The following REV3L variants were observed in gnomAD, a reference collection of about 807,000 sequenced individuals.
REV3L encodes the protein DNA polymerase zeta catalytic subunit.
Under a neutral mutation model 299.4 loss-of-function variants are expected in REV3L, and 69 were observed. The ratio of observed to expected loss-of-function variants is 0.23; its 90% confidence interval spans 0.19 to 0.28. The LOEUF is 0.28. Ranked by LOEUF, REV3L falls within the 10% of genes least tolerant of loss-of-function variation. The pLI is 1.00. For missense variants in REV3L, 3,128 were observed against 3,693.8 expected, an observed-to-expected ratio of 0.85 and a Z score of 3.97; for synonymous variants, 1,238 against 1,271.4, an observed-to-expected ratio of 0.97 and a Z score of 0.56.
At chr6:111,456,108 A>G (rs1790129342) in intron 1 of REV3L, among the ~76,000 whole-genome samples, 1 of 152,218 alleles carries the variant, frequency 6.6e-6, no homozygotes, top group Non-Finnish European at 1.5e-5. Flanking sequence ...AGTATACTCT[A>G]TGATGTTCAC....
chr6:111,478,901 T>C (rs983359652), intron 1 of REV3L, among the ~76,000 whole-genome samples: 2 of 152,194 alleles, frequency 1.3e-5, no homozygotes, highest in Non-Finnish European at 2.9e-5. Flanking sequence ...TGGCCTACTT[T>C]GTTTAATTCC....
At position 111,315,227 on chromosome 6, in the gene REV3L, TG is replaced by T. The variant is rs775555243; in HGVS notation, c.8466+39del. ...AAATCAGAGGTCTCTAGAAGGTATA[TG>T]AATTTTATATGTAATTACTAATATT... On this transcript the variant is annotated intron_variant, in intron 27 of 31. Transcript: ENST00000368802. 2.0e-6 allele frequency: 3 copies of T among 1,467,140 alleles called. No homozygotes were observed. In the Admixed American group the frequency reaches 5.2e-5, roughly 25 times the overall value. The allele number at this position is 1,467,140 out of a possible 1,614,324, so 90.9% of individuals were successfully genotyped here.
intron 13 of REV3L, among the ~76,000 whole-genome samples, chr6:111,369,722 A>T (rs1323338320): frequency 1.3e-5 from 2 of 152,226 alleles, no homozygotes; most frequent in Non-Finnish European, 2.9e-5. Flanking sequence ...TATACTTTTT[A>T]AAAAAGAAAA....
At chr6:111,364,689 T>C (rs937309943) in intron 15 of REV3L, among the ~76,000 whole-genome samples, 1 of 152,060 alleles carries the variant, frequency 6.6e-6, no homozygotes, top group African/African-American at 2.4e-5. Flanking sequence ...ATATAAGTGA[T>C]TTCTAGCATA....
Position 111,430,387 on chromosome 6 carries a change from A to G in REV3L, c.140-13915T>C, listed in dbSNP as rs191024067. On this transcript the variant is annotated intron_variant, in intron 1 of 31. Transcript: ENST00000368802. The stretch of plus-strand genomic sequence containing the variant: ...TAAATGAAAGAAAAGATCAAGAACA[A>G]TGACTACCAGTCCATAGAAAAACTA... 1,811 of 1,312,866 alleles carry G rather than the reference A, an allele frequency of 1.4e-3. 3 individuals carry two copies. The highest frequency in any genetic ancestry group is 1.8e-3 in the Non-Finnish European group (1,607 of 908,606). The allele number at this position is 1,312,866 out of a possible 1,614,324, so 81.3% of individuals were successfully genotyped here.
chr6:111,334,966 T>C (rs1326720408), intron 22 of REV3L, among the ~76,000 whole-genome samples: 2 of 152,286 alleles, frequency 1.3e-5, no homozygotes, highest in East Asian at 3.9e-4. Context: ...TATAAAATCA[T>C]TTTCAGCAAG....
intron 1 of REV3L, among the ~76,000 whole-genome samples, chr6:111,465,814 A>G (rs1791433233): frequency 6.6e-6 from 1 of 151,944 alleles, no homozygotes; most frequent in South Asian, 2.1e-4. Context: ...TGACATAAAA[A>G]GATTAAAAAT....
chr6:111,380,409 G>A (rs997190696), intron 10 of REV3L, among the ~76,000 whole-genome samples, 190 bp from the exon 11 acceptor site: 6 of 152,002 alleles, frequency 3.9e-5, no homozygotes, highest in Admixed American at 6.5e-5. Flanking sequence ...ACAGGTGCCC[G>A]TCACCACACC....
intron 1 of REV3L, among the ~76,000 whole-genome samples, chr6:111,476,438 T>G (rs895223656): frequency 2.0e-5 from 3 of 152,186 alleles, no homozygotes; most frequent in African/African-American, 7.2e-5. Flanking sequence ...ATTACAGACA[T>G]GAGCCACTGC....
chr6:111,472,880 A>T (rs1041160341), intron 1 of REV3L, among the ~76,000 whole-genome samples: 3 of 152,192 alleles, frequency 2.0e-5, no homozygotes, highest in East Asian at 1.9e-4. Context: ...TTTTACTTAT[A>T]ATTTGTTTTG....
At chr6:111,344,514 AC>A (rs17539923) in intron 20 of REV3L, among the ~76,000 whole-genome samples, 1 of 152,254 alleles carries the variant, frequency 6.6e-6, no homozygotes, top group East Asian at 1.9e-4. Flanking sequence ...ACTAGACCCC[AC>A]TACACAGACA....
chr6:111,375,813 T>C lies in REV3L; in HGVS notation c.2542A>G (p.Ser848Gly). 1 of 1,613,526 alleles carries C rather than the reference T, an allele frequency of 6.2e-7. No homozygotes were observed. Among genetic ancestry groups the C allele is most frequent in the Non-Finnish European group, 8.5e-7 (1 of 1,179,732 alleles). Residue 848 changes from serine (S) to glycine (G), a missense_variant, in exon 13 of 32, where the codon AGT becomes GGT. Ser to Gly is a moderately conservative substitution (Grantham distance 56). Around this residue, in one of 9 missense-constraint regions of REV3L, gnomAD observed 2,409 missense variants for 2,611.8 expected, o/e 0.92. Transcript: ENST00000368802. ...TTATCTTTTGTGGATCCAGTCTCACTACTTTTGGTAGAAGTCTCCTGATGA... is the reference window on the plus strand; with the variant it reads ...TTATCTTTTGTGGATCCAGTCTCACCACTTTTGGTAGAAGTCTCCTGATGA... ...AGHQETSTKS[S>G]ETGSTKDNFI...
intron 1 of REV3L, among the ~76,000 whole-genome samples, chr6:111,459,808 C>T (rs757965323): frequency 2.0e-5 from 3 of 152,088 alleles, no homozygotes; most frequent in Non-Finnish European, 2.9e-5. Flanking sequence ...AAAACCTTTA[C>T]GCTGTTGGTG....
chr6:111,387,889 G>A lies in REV3L; in HGVS notation c.972C>T (p.Tyr324=). 6.2e-7 allele frequency: 1 copy of A among 1,613,882 alleles called. No homozygotes were observed. Among genetic ancestry groups the A allele is most frequent in the East Asian group, 2.2e-5 (1 of 44,834 alleles). ...CAGAGAACTCCTGGGATCCATCGCT[G>A]TAGTCCACAGATCCTGATAATGTTC... ...FSVTLSGSVD[Y]SDGSQEFSAE... Residue 324 remains tyrosine, a synonymous_variant, in exon 9 of 32, where the codon TAC becomes TAT. Transcript: ENST00000368802.
At chr6:111,409,403 C>T (rs1784005807) in intron 3 of REV3L, among the ~76,000 whole-genome samples, 1 of 149,746 alleles carries the variant, frequency 6.7e-6, no homozygotes, top group Non-Finnish European at 1.5e-5. Context: ...GTAGAAAACA[C>T]AATGATTAGT....
At chr6:111,378,205 T>C (rs996185671) in intron 11 of REV3L, among the ~76,000 whole-genome samples, 2 of 152,128 alleles carry the variant, frequency 1.3e-5, no homozygotes. Context: ...GAGAAAATGC[T>C]GAAGAAGAGA....
In REV3L at chr6:111,336,927, T is replaced by C. The variant is rs987976200; in HGVS notation, c.7539-1317A>G. Among the ~76,000 whole-genome samples the C allele has an allele frequency of 5.3e-5, 8 of 152,336 alleles. No homozygotes were observed. In the South Asian group the frequency reaches 1.0e-3, roughly 20 times the overall value. ...AAGCCAGCCACAAAAGATTACATAT[T>C]GCACGATTCTGTTCATGTGAAATGT... is the stretch of plus-strand genomic sequence containing the variant. On this transcript the variant is annotated intron_variant, in intron 21 of 31. Transcript: ENST00000368802.
At chr6:111,377,890 C>A in intron 11 of REV3L, 47 bp from the exon 12 acceptor site, 1 of 1,522,468 alleles carries the variant, frequency 6.6e-7, no homozygotes, top group Non-Finnish European at 8.9e-7. Flanking sequence ...TTAGTAAAGA[C>A]CATCTCAGAT....
chr6:111,453,770 G>C (rs542722092), intron 1 of REV3L, among the ~76,000 whole-genome samples: 1 of 152,148 alleles, frequency 6.6e-6, no homozygotes, highest in Non-Finnish European at 1.5e-5. Context: ...GATCACTTGA[G>C]GTCAGGAGTT....
Sources: allele counts gnomAD v4.1 joint callset (sites outside exome capture counted in the v4.1 genomes callset), GRCh38; gene constraint gnomAD v4.1.1; regional missense constraint gnomAD v4.1.1; transcripts MANE v1.5; gene names NCBI Gene and HGNC (gene_info 2026-07-23, HGNC 2026-07-21).